TENT2: variants seen among roughly 807,000 people sequenced by gnomAD.
The protein encoded by TENT2 is terminal nucleotidyltransferase 2.
In TENT2, 44 loss-of-function variants were observed where a neutral mutation model predicts 72.2. That is an observed-to-expected ratio of 0.61 (90% CI 0.48 to 0.78). The LOEUF (loss-of-function observed/expected upper bound fraction) is 0.78, where lower values mean the gene tolerates loss of function less well. TENT2 is among the 30% of genes least tolerant of loss of function. TENT2 has a pLI of 0.00. For missense variants in TENT2, 541 were observed against 569.6 expected (o/e 0.95, Z 0.51); for synonymous variants, 212 against 192.5 (o/e 1.10, Z -0.84).
chr5:79,674,238 C>T (rs1172308965), intron 12 of TENT2, among the ~76,000 whole-genome samples: 2 of 152,050 alleles, frequency 1.3e-5, no homozygotes, highest in Non-Finnish European at 2.9e-5. Flanking sequence ...AAAAATTAGC[C>T]AGGTGTGGTG....
chr5:79,663,999 C>T (rs1805191003), intron 11 of TENT2, among the ~76,000 whole-genome samples: 1 of 151,896 alleles, frequency 6.6e-6, no homozygotes, highest in South Asian at 2.1e-4. Context: ...AAAAATACAA[C>T]AATAAAAGTA....
chr5:79,663,718 A>C (rs1461845298), intron 11 of TENT2, among the ~76,000 whole-genome samples: 1 of 152,206 alleles, frequency 6.6e-6, no homozygotes, highest in Non-Finnish European at 1.5e-5. Flanking sequence ...TACAATAATA[A>C]TGAAAAAGTT....
intron 12 of TENT2, among the ~76,000 whole-genome samples, chr5:79,676,198 G>A (rs951535584): frequency 3.4e-5 from 5 of 147,038 alleles, no homozygotes; most frequent in African/African-American, 1.3e-4. Context: ...ACAGCCATAT[G>A]GTATCAGACT....
rs192752172 is a variant in TENT2, at chr5:79,670,482, G to A, written c.1208+1454G>A. Among the ~76,000 whole-genome samples, 654 of 151,382 alleles carry A rather than the reference G, an allele frequency of 4.3e-3. 5 individuals are homozygous for A. The highest frequency in any genetic ancestry group is 0.014 in the African/African-American group (578 of 41,292). ...TGGGACTACAAGCACCCGTGACCAC[G>A]CCTGGCTAATTTTTGTATTTTTAGT... is the stretch of plus-strand genomic sequence containing the variant. On this transcript the variant is annotated intron_variant, in intron 12 of 14. Coordinates refer to ENST00000453514, the MANE Select transcript of TENT2 (RefSeq NM_001114394.3).
intron 12 of TENT2, among the ~76,000 whole-genome samples, chr5:79,678,350 G>T (rs531011541): frequency 3.9e-5 from 6 of 152,242 alleles, no homozygotes; most frequent in Non-Finnish European, 7.4e-5. Context: ...TAGAGGAGAA[G>T]TGTAGGGTAA....
At chr5:79,640,535 T>C (rs1287549349) in intron 4 of TENT2, among the ~76,000 whole-genome samples, 1 of 152,190 alleles carries the variant, frequency 6.6e-6, no homozygotes, top group African/African-American at 2.4e-5. Context: ...AAAAAATTCT[T>C]TTCTCAGGGG....
intron 11 of TENT2, among the ~76,000 whole-genome samples, chr5:79,666,015 G>T (rs1182620516): frequency 2.1e-5 from 3 of 139,576 alleles, no homozygotes; most frequent in Non-Finnish European, 4.7e-5. Flanking sequence ...ACGGAGTTTT[G>T]CTCTGTTACC....
rs183159566 is a variant in TENT2 at position 79,668,507 on chromosome 5, A to G, written c.1072-385A>G. Among the ~76,000 whole-genome samples, 15 of 152,310 alleles carry G rather than the reference A, an allele frequency of 9.8e-5. No homozygotes were observed. The East Asian group carries it at 2.5e-3, about 25-fold the overall frequency. The stretch of plus-strand genomic sequence containing the variant: ...ACTTTGTGCTTGATATAGCCTTTAT[A>G]CATGAAGTATAACTGCTCCTTGTAG... On this transcript the variant is annotated intron_variant, in intron 11 of 14. Transcript: ENST00000453514.
intron 12 of TENT2, among the ~76,000 whole-genome samples, chr5:79,672,116 A>G (rs181271513): frequency 6.6e-6 from 1 of 152,084 alleles, no homozygotes; most frequent in East Asian, 1.9e-4. Context: ...AAAAAAAACA[A>G]AAAACTATTT....
intron 11 of TENT2, among the ~76,000 whole-genome samples, chr5:79,662,019 A>G (rs1410345584): frequency 6.6e-6 from 1 of 152,194 alleles, no homozygotes; most frequent in Non-Finnish European, 1.5e-5. Context: ...TAAGTCTTAG[A>G]AAAGTTACAT....
In TENT2 at chr5:79,620,029, A is replaced by T. The variant is rs34912379; in HGVS notation, c.173A>T (p.Tyr58Phe). 6.2e-7 allele frequency: 1 copy of T among 1,611,964 alleles called. No individual in the cohort carries two copies. Among genetic ancestry groups the T allele is most frequent in the South Asian group, 1.1e-5 (1 of 90,724 alleles). ...GCTGTGTCATTACAGCAGCTGACAT[A>T]TGGAAATGTCAGTCCAATACAGACC... Reference protein sequence around the residue: ...SRAVSLQQLTYGNVSPIQTSA... With the variant: ...SRAVSLQQLTFGNVSPIQTSA... Residue 58 changes from tyrosine to phenylalanine, a missense_variant, in exon 3 of 15, where the codon TAT becomes TTT. Tyr to Phe is a conservative substitution (Grantham distance 22). Transcript: ENST00000453514.
chr5:79,676,743 T>C (rs1011217450), intron 12 of TENT2, among the ~76,000 whole-genome samples: 1 of 152,326 alleles, frequency 6.6e-6, no homozygotes, highest in South Asian at 2.1e-4. Flanking sequence ...TATTTTAGAT[T>C]AAATTAAGCC....
intron 12 of TENT2, among the ~76,000 whole-genome samples, chr5:79,674,203 G>T (rs1283280067): frequency 1.3e-5 from 2 of 152,144 alleles, no homozygotes; most frequent in Non-Finnish European, 2.9e-5. Flanking sequence ...CCAACATGGT[G>T]AAACCCCATC....
intron 11 of TENT2, among the ~76,000 whole-genome samples, chr5:79,661,047 A>G (rs1802470704): frequency 6.6e-6 from 1 of 152,186 alleles, no homozygotes; most frequent in African/African-American, 2.4e-5. Context: ...ATATAAAGAA[A>G]GAAAATATTG....
At chr5:79,638,557 T>C (rs1405302986) in intron 4 of TENT2, among the ~76,000 whole-genome samples, 2 of 152,136 alleles carry the variant, frequency 1.3e-5, no homozygotes, top group Admixed American at 1.3e-4. Context: ...TGCTTGCCTA[T>C]TTTGGTTGTG....
intron 11 of TENT2, among the ~76,000 whole-genome samples, chr5:79,666,123 G>A (rs1807596617): frequency 6.6e-6 from 1 of 151,554 alleles, no homozygotes; most frequent in African/African-American, 2.4e-5. Context: ...TGAGTAGCTG[G>A]GATTACAGGC....
chr5:79,648,831 C>A, intron 9 of TENT2, 138 bp downstream of exon 9: 2 of 803,648 alleles, frequency 2.5e-6, no homozygotes, highest in Non-Finnish European at 3.9e-6. Context: ...TGTTGCTACA[C>A]TAAAATCATA....
At chr5:79,643,030 T>C (rs1785667550) in intron 7 of TENT2, 120 bp downstream of exon 7, 2 of 1,221,850 alleles carry the variant, frequency 1.6e-6, no homozygotes, top group Non-Finnish European at 1.1e-6. Context: ...ATATGAATTC[T>C]TTTTTCCAAA....
rs1417328059 is a variant in TENT2 at position 79,619,838 on chromosome 5, T to A, written c.137+53T>A. The A allele has an allele frequency of 1.9e-6, 3 of 1,577,280 alleles. No homozygotes were observed. In the African/African-American group the frequency reaches 4.1e-5, roughly 21 times the overall value. On this transcript the variant is annotated intron_variant, in intron 2 of 14. Coordinates refer to ENST00000453514, the MANE Select transcript of TENT2 (RefSeq NM_001114394.3). Reference sequence around the variant, plus strand: ...TTGTTGGTAAATTTCATTTTCTATTTGACATAAACCCTTTTTGTATGAAAC... The same window carrying A: ...TTGTTGGTAAATTTCATTTTCTATTAGACATAAACCCTTTTTGTATGAAAC...
Sources: allele counts gnomAD v4.1 joint callset (sites outside exome capture counted in the v4.1 genomes callset), GRCh38; gene constraint gnomAD v4.1.1; transcripts MANE v1.5; gene names NCBI Gene and HGNC (gene_info 2026-07-23, HGNC 2026-07-21).